Variants in INTS1 observed in about 807,000 individuals in gnomAD.
INTS1 encodes the protein integrator complex subunit 1.
INTS1 carries 137 observed loss-of-function variants against 241.6 expected under a neutral mutation model. That is an observed-to-expected ratio of 0.57 (90% CI 0.49 to 0.65). The LOEUF (loss-of-function observed/expected upper bound fraction) is 0.65. Among genes scored for constraint, INTS1 ranks in the 30% least tolerant of loss-of-function variants. The pLI, the probability that INTS1 is intolerant of heterozygous loss-of-function variation, is 0.00. For missense variants in INTS1, 3,073 were observed against 3,032.2 expected (o/e 1.01, Z -0.32); for synonymous variants, 1,692 against 1,337.8 (o/e 1.26, Z -5.78).
rs756457345 is a variant in INTS1 at position 1,495,409 on chromosome 7, G to T, written c.1832+24C>A. On this transcript the variant is annotated intron_variant, in intron 13 of 47. Transcript: ENST00000404767. ...CCGGCTCAGTGGGGTGTGGGACAGG[G>T]GCTGTACAGGGCCCCAGCCGCACCA... 5 of 1,599,766 alleles carry T rather than the reference G, an allele frequency of 3.1e-6. No individual in the cohort carries two copies. In the Admixed American group the frequency reaches 8.4e-5, roughly 27 times the overall value.
rs767189670 is a variant in INTS1 at position 1,476,562 on chromosome 7, A to C, written c.5151+8T>G. ...CTCTCCCGGATGGGCCACCCTCCCA[A>C]GACCTGCCTGCGGGGTGCGCTGGTC... On this transcript the variant is annotated splice_region_variant and intron_variant, in intron 37 of 47. Transcript: ENST00000404767. The C allele has an allele frequency of 3.1e-6, 4 of 1,281,818 alleles. No individual in the cohort carries two copies. The Admixed American group carries it at 8.4e-5, about 27-fold the overall frequency. 79.4% of individuals were successfully genotyped at this position (1,281,818 alleles called of 1,614,324 possible).
Position 1,481,411 on chromosome 7 carries a change from G to A in INTS1, c.3781C>T (p.Leu1261Phe), listed in dbSNP as rs2128536080. Residue 1261 changes from leucine to phenylalanine, a missense_variant, in exon 28 of 48, where the codon CTC becomes TTC. Leu to Phe is a conservative substitution (Grantham distance 22, BLOSUM62 0). Transcript: ENST00000404767. This position sits in a 1 kb window ranked among gnomAD's most constrained non-coding sequence, Gnocchi z 6.8. ...FGIPVSSMSK[L>F]LQFLDQAVAH... ...ACTGCCTGGTCCAGGAACTGGAGGA[G>A]TTTGCTCATGCTGGACACGGGGATG... 2 of 1,612,560 alleles carry A rather than the reference G, an allele frequency of 1.2e-6. No individual in the cohort carries two copies. Among genetic ancestry groups the A allele is most frequent in the Non-Finnish European group, 1.7e-6 (2 of 1,179,602 alleles).
chr7:1,495,636 C>G (rs547039467), intron 12 of INTS1, 83 bp from the exon 13 acceptor site: 1 of 1,516,816 alleles, frequency 6.6e-7, no homozygotes, highest in South Asian at 1.2e-5. Context: ...CAACTCAATG[C>G]TGGCACTTGG....
intron 40 of INTS1, 135 bp from the exon 41 acceptor site, chr7:1,474,495 TG>T: frequency 8.7e-7 from 1 of 1,153,410 alleles, no homozygotes; most frequent in Admixed American, 2.8e-5. Context: ...CCTAAGGAGG[TG>T]GGGATGAGAT....
chr7:1,498,946 C>G (rs112262536), intron 8 of INTS1, 29 bp downstream of exon 8: 8 of 1,194,086 alleles, frequency 6.7e-6, no homozygotes, highest in South Asian at 1.3e-5. Context: ...ACCCCCTGCC[C>G]CGCCCACCCC....
At position 1,470,670 on chromosome 7, in the gene INTS1, G is replaced by A. The variant is rs1781416628; in HGVS notation, c.6480C>T (p.His2160=). 6.3e-7 allele frequency: 1 copy of A among 1,575,700 alleles called. No individual in the cohort carries two copies. The highest frequency in any genetic ancestry group is 8.6e-7 in the Non-Finnish European group (1 of 1,161,718). Residue 2160 remains histidine, a synonymous_variant, in exon 48 of 48, where the codon CAC becomes CAT. Transcript: ENST00000404767. ...LCQEHAAVLL[H]RAFLVGMYGQ... The stretch of plus-strand genomic sequence containing the variant: ...CGTACATGCCCACCAGGAAGGCCCG[G>A]TGGAGCAGCACAGCCGCGTGCTCTG...
In INTS1 at chr7:1,479,423, C is replaced by A; in HGVS notation, c.4329+7G>T. 1 of 1,571,076 alleles carries A rather than the reference C, an allele frequency of 6.4e-7. No individual in the cohort carries two copies. Among genetic ancestry groups the A allele is most frequent in the Admixed American group, 1.8e-5 (1 of 54,720 alleles). ...TCCTCCCCCGCAAGAGGCCCACGCC[C>A]AAGTACCTGGTACTGGCAGAGCTGG... On this transcript the variant is annotated splice_region_variant and intron_variant, in intron 31 of 47. Transcript: ENST00000404767.
At position 1,497,811 on chromosome 7, in the gene INTS1, T is replaced by C. The variant is rs370834811; in HGVS notation, c.1426-497A>G. Among the ~76,000 whole-genome samples, 6 of 152,308 alleles carry C rather than the reference T, an allele frequency of 3.9e-5. No individual in the cohort carries two copies. The highest frequency in any genetic ancestry group is 1.2e-4 in the African/African-American group (5 of 41,576). On this transcript the variant is annotated intron_variant, in intron 10 of 47. Transcript: ENST00000404767. The surrounding 1 kb of genome is among the most constrained non-coding windows in gnomAD (Gnocchi z 5.3). ...CCCACCGGGAGGCCTAATGCGCTGGTGGCGATGGGAGCATCTCCCGAGCCC... is the reference window on the plus strand; with the variant it reads ...CCCACCGGGAGGCCTAATGCGCTGGCGGCGATGGGAGCATCTCCCGAGCCC...
intron 1 of INTS1, 89 bp downstream of exon 1, chr7:1,504,234 A>C: frequency 1.8e-6 from 1 of 546,942 alleles, no homozygotes; most frequent in African/African-American, 2.0e-5. Flanking sequence ...GCAGAACCAG[A>C]AGGGACGGCC....
At chr7:1,477,493 T>A in intron 35 of INTS1, 57 bp downstream of exon 35, 1 of 1,452,716 alleles carries the variant, frequency 6.9e-7, no homozygotes, top group Non-Finnish European at 9.1e-7. Flanking sequence ...GCACTTCAGG[T>A]CAGGAAGAGC....
chr7:1,474,388 C>T, intron 40 of INTS1, 28 bp from the exon 41 acceptor site: 1 of 1,552,614 alleles, frequency 6.4e-7, no homozygotes, highest in Non-Finnish European at 8.7e-7. Context: ...GCCCAGTCAG[C>T]CCCGGCCGGC....
intron 18 of INTS1, among the ~76,000 whole-genome samples, chr7:1,488,664 A>G (rs1583133085): frequency 6.6e-6 from 1 of 150,848 alleles, no homozygotes. Context: ...GGCCACACAC[A>G]CTCCCCGTCC....
In INTS1 at chr7:1,497,648, GA is replaced by G. The variant is rs1439423099; in HGVS notation, c.1426-335del. On this transcript the variant is annotated intron_variant, in intron 10 of 47. Transcript: ENST00000404767. The surrounding 1 kb of genome is among the most constrained non-coding windows in gnomAD (Gnocchi z 5.3). Reference sequence around the variant, plus strand: ...TCAGCCCACCCGTGCGCCACGGGCTGAACGGAAACCAAAGGCCACCACCCAA... The same window carrying G: ...TCAGCCCACCCGTGCGCCACGGGCTGACGGAAACCAAAGGCCACCACCCAA... 6.6e-6 allele frequency among the ~76,000 whole-genome samples: 1 copy of G among 152,220 alleles called. No homozygotes were observed. The highest frequency in any genetic ancestry group is 2.4e-5 in the African/African-American group (1 of 41,460).
chr7:1,485,908 C>T (rs1782239144), intron 22 of INTS1, among the ~76,000 whole-genome samples: 1 of 152,210 alleles, frequency 6.6e-6, no homozygotes, highest in Admixed American at 6.5e-5. Context: ...ATTCTCCCAT[C>T]TCAGCCTCCC....
At chr7:1,500,610 G>A (rs1028853445) in intron 3 of INTS1, among the ~76,000 whole-genome samples, 5 of 152,204 alleles carry the variant, frequency 3.3e-5, no homozygotes, top group East Asian at 3.9e-4. Context: ...TGGCTCCGCT[G>A]TGTCCCACAC....
chr7:1,477,502 G>C, intron 35 of INTS1, 48 bp downstream of exon 35: 1 of 1,463,670 alleles, frequency 6.8e-7, no homozygotes, highest in African/African-American at 1.4e-5. Context: ...GTCAGGAAGA[G>C]CCTTTACCCT....
rs892868112 is a variant in INTS1, at chr7:1,498,295, G to T, written c.1425+117C>A. The T allele has an allele frequency of 4.3e-5, 63 of 1,466,680 alleles. No homozygotes were observed. The African/African-American group carries it at 7.7e-4, about 18-fold the overall frequency. The allele number at this position is 1,466,680 out of a possible 1,614,324, so 90.9% of individuals were successfully genotyped here. A position where few individuals can be genotyped will look rare whatever the true frequency, so the allele number is the denominator to read the frequency against. ...TTCAAAAGCTCCTTCCCGAGACCGA[G>T]GAGCATTCTCCCACGAAGCACTGCC... On this transcript the variant is annotated intron_variant, in intron 10 of 47. Transcript: ENST00000404767.
intron 35 of INTS1, 50 bp from the exon 36 acceptor site, chr7:1,476,968 G>A (rs1273582816): frequency 6.4e-7 from 1 of 1,573,234 alleles, no homozygotes; most frequent in East Asian, 2.3e-5. Flanking sequence ...CCAATGGCAG[G>A]CTCTGCTGAA....
At chr7:1,494,772 CG>C in intron 14 of INTS1, 43 bp downstream of exon 14, 1 of 1,540,032 alleles carries the variant, frequency 6.5e-7, no homozygotes. Context: ...CCCGCAGCCC[CG>C]CCCAGCCCGG....
Sources: allele counts gnomAD v4.1 joint callset (sites outside exome capture counted in the v4.1 genomes callset), GRCh38; gene constraint gnomAD v4.1.1; non-coding constraint Gnocchi (gnomAD v3.1); transcripts MANE v1.5; gene names NCBI Gene and HGNC (gene_info 2026-07-23, HGNC 2026-07-21).